LAMA2: variants seen among roughly 807,000 people sequenced by gnomAD.
LAMA2 encodes the protein laminin subunit alpha 2.
Under a neutral mutation model 364.8 loss-of-function variants are expected in LAMA2, and 269 were observed. That is an observed-to-expected ratio of 0.74 (90% CI 0.67 to 0.82). The LOEUF (loss-of-function observed/expected upper bound fraction) is 0.82, where lower values mean the gene tolerates loss of function less well. LAMA2 is among the 40% of genes least tolerant of loss of function. The probability of loss-of-function intolerance (pLI) is 0.00; values close to 1 mark genes in which losing one functional copy is unlikely to be tolerated. For synonymous variants in LAMA2, 1,379 were observed against 1,370.6 expected, an observed-to-expected ratio of 1.01 and a Z score of -0.14; for missense variants, 3,807 against 3,873.2, an observed-to-expected ratio of 0.98 and a Z score of 0.45.
At chr6:128,958,230 C>A (rs1781272437) in intron 1 of LAMA2, among the ~76,000 whole-genome samples, 1 of 152,058 alleles carries the variant, frequency 6.6e-6, no homozygotes, top group African/African-American at 2.4e-5. Context: ...ATTTGGTCTA[C>A]TTGATGTGTG....
chr6:128,937,120 A>G (rs961161929), intron 1 of LAMA2, among the ~76,000 whole-genome samples: 3 of 152,188 alleles, frequency 2.0e-5, no homozygotes, highest in African/African-American at 7.2e-5. Context: ...GGTAACTGAA[A>G]CCATGGAAAG....
intron 2 of LAMA2, among the ~76,000 whole-genome samples, chr6:129,051,942 G>A (rs1400027417): frequency 1.3e-5 from 2 of 151,112 alleles, no homozygotes; most frequent in Non-Finnish European, 2.9e-5. Context: ...CTGTGCAGAC[G>A]GGGAGAATTA....
chr6:129,436,422 T>G (rs570186763), intron 41 of LAMA2, among the ~76,000 whole-genome samples: 1 of 152,350 alleles, frequency 6.6e-6, no homozygotes, highest in South Asian at 2.1e-4. Flanking sequence ...TTTTATAGAT[T>G]GCACCTGTAC....
chr6:128,894,780 G>A (rs757178227), intron 1 of LAMA2, among the ~76,000 whole-genome samples: 1 of 152,162 alleles, frequency 6.6e-6, no homozygotes, highest in Non-Finnish European at 1.5e-5. Context: ...CCACTAGCAT[G>A]GTTTAGTACC....
At chr6:129,309,569 C>T (rs1240565587) in intron 22 of LAMA2, among the ~76,000 whole-genome samples, 7 of 152,050 alleles carry the variant, frequency 4.6e-5, no homozygotes, top group East Asian at 3.9e-4. Flanking sequence ...TATTAATACC[C>T]GATTATGGCC....
chr6:128,938,457 C>T (rs1296297985), intron 1 of LAMA2, among the ~76,000 whole-genome samples: 2 of 152,030 alleles, frequency 1.3e-5, no homozygotes, highest in Non-Finnish European at 2.9e-5. Flanking sequence ...TTTTAGACGG[C>T]GTAGTTATAG....
Position 129,366,372 on chromosome 6 carries a change from G to A in LAMA2, c.4860+11G>A, listed in dbSNP as rs2114620264. On this transcript the variant is annotated intron_variant, in intron 33 of 64. Transcript: ENST00000421865. ...ACTCAGGAGCTAAAGGTAGGTTGGTGCAGTCACAAGCAAGGGCCAGGGACA... is the reference window on the plus strand; with the variant it reads ...ACTCAGGAGCTAAAGGTAGGTTGGTACAGTCACAAGCAAGGGCCAGGGACA... The A allele has an allele frequency of 1.2e-6, 2 of 1,613,056 alleles. No homozygotes were observed. The highest frequency in any genetic ancestry group is 2.2e-5 in the East Asian group (1 of 44,832).
chr6:129,312,072 A>C (rs556586276), intron 22 of LAMA2, among the ~76,000 whole-genome samples: 5 of 148,662 alleles, frequency 3.4e-5, no homozygotes, highest in African/African-American at 1.0e-4. Context: ...AATCAAAAAC[A>C]AATCTGAAGA....
chr6:128,973,253 A>G (rs1388126345), intron 1 of LAMA2, among the ~76,000 whole-genome samples: 1 of 152,164 alleles, frequency 6.6e-6, no homozygotes, highest in Non-Finnish European at 1.5e-5. Flanking sequence ...CTCATTTGAG[A>G]GCAGGATTCA....
chr6:129,356,403 A>G (rs1777155683), intron 32 of LAMA2, among the ~76,000 whole-genome samples: 1 of 152,070 alleles, frequency 6.6e-6, no homozygotes, highest in African/African-American at 2.4e-5. Context: ...TTAAAGGCTC[A>G]CCTTGACTGA....
intron 37 of LAMA2, 125 bp from the exon 38 acceptor site, chr6:129,401,099 C>T: frequency 1.3e-6 from 1 of 767,180 alleles, no homozygotes; most frequent in African/African-American, 1.7e-5. Context: ...CTCATCTAGC[C>T]ACATTTCAAC....
At chr6:129,119,394 CTT>C (rs1776668424) in intron 4 of LAMA2, among the ~76,000 whole-genome samples, 1 of 151,978 alleles carries the variant, frequency 6.6e-6, no homozygotes, top group African/African-American at 2.4e-5. Flanking sequence ...TTATTTCTAA[CTT>C]TTCTTGATTA....
rs1410073495 is a variant in LAMA2, at chr6:129,169,270, C to T, written c.1306+3595C>T. Among the ~76,000 whole-genome samples the T allele has an allele frequency of 2.6e-3, 377 of 146,166 alleles. 3 individuals carry two copies. The highest frequency in any genetic ancestry group is 9.8e-3 in the African/African-American group (358 of 36,486). The stretch of plus-strand genomic sequence containing the variant: ...TCAAAGGGAATGCTTCCAGTTTTTG[C>T]CCATTCTGTATGATACTGGCTGTGG... On this transcript the variant is annotated intron_variant, in intron 9 of 64. Transcript: ENST00000421865.
intron 12 of LAMA2, among the ~76,000 whole-genome samples, chr6:129,203,117 G>A (rs1041406649): frequency 1.3e-5 from 2 of 152,152 alleles, no homozygotes; most frequent in Non-Finnish European, 2.9e-5. Flanking sequence ...GAAAGACTGG[G>A]TTGTAAGAAG....
chr6:129,322,958 G>C (rs950016158), intron 28 of LAMA2, among the ~76,000 whole-genome samples: 1 of 152,132 alleles, frequency 6.6e-6, no homozygotes, highest in African/African-American at 2.4e-5. Flanking sequence ...CTAAGAATAT[G>C]TACAAATTGT....
rs190731637 is a variant in LAMA2 at position 129,495,164 on chromosome 6, C to T, written c.8244+2681C>T. Among the ~76,000 whole-genome samples, 262 of 152,216 alleles carry T rather than the reference C, an allele frequency of 1.7e-3. 1 individual carries two copies. The highest frequency in any genetic ancestry group is 2.1e-3 in the Non-Finnish European group (144 of 68,010). Reference sequence around the variant, plus strand: ...CAGGCTCGAGTTGTTAGAAAGCCATCGGTTACATTAAGTTAAAACTGAGTC... The same window carrying T: ...CAGGCTCGAGTTGTTAGAAAGCCATTGGTTACATTAAGTTAAAACTGAGTC... On this transcript the variant is annotated intron_variant, in intron 58 of 64. Transcript: ENST00000421865.
At chr6:129,288,195 G>C in intron 19 of LAMA2, 137 bp downstream of exon 19, 1 of 760,890 alleles carries the variant, frequency 1.3e-6, no homozygotes, top group Non-Finnish European at 2.3e-6. Flanking sequence ...AATATACAGA[G>C]TCTGCATATT....
chr6:129,019,423 T>C (rs1785274808), intron 1 of LAMA2, among the ~76,000 whole-genome samples: 1 of 151,750 alleles, frequency 6.6e-6, no homozygotes, highest in African/African-American at 2.4e-5. Flanking sequence ...TATTGGTGAT[T>C]GATATTATCA....
intron 47 of LAMA2, among the ~76,000 whole-genome samples, chr6:129,455,385 C>T (rs938801669): frequency 6.6e-6 from 1 of 152,128 alleles, no homozygotes; most frequent in Non-Finnish European, 1.5e-5. Flanking sequence ...GAATTAAGTA[C>T]TTAACCGGGT....
Sources: gnomAD v4.1 joint callset for allele counts (sites outside exome capture counted in the v4.1 genomes callset) on GRCh38, gnomAD v4.1.1 for gene constraint, MANE v1.5 for transcripts, NCBI Gene and HGNC (gene_info 2026-07-23, HGNC 2026-07-21) for gene names.